Variants in MSR1 observed in about 807,000 individuals in gnomAD.
The protein encoded by MSR1 is macrophage scavenger receptor types I and II.
Under a neutral mutation model 47.2 loss-of-function variants are expected in MSR1, and 53 were observed. The observed-to-expected ratio is 1.12, with a 90% CI of 0.90 to 1.41. MSR1 has a LOEUF of 1.41. MSR1 is among the 40% of genes most tolerant of loss of function. The probability of loss-of-function intolerance (pLI) is 0.00; values close to 1 mark genes in which losing one functional copy is unlikely to be tolerated. For synonymous variants in MSR1, 239 were observed against 185.6 expected, an observed-to-expected ratio of 1.29 and a Z score of -2.34; for missense variants, 786 against 546.9, an observed-to-expected ratio of 1.44 and a Z score of -4.36.
At chr8:16,147,469 G>A (rs1330443810) in intron 7 of MSR1, among the ~76,000 whole-genome samples, 1 of 152,094 alleles carries the variant, frequency 6.6e-6, no homozygotes, top group Non-Finnish European at 1.5e-5. Flanking sequence ...ATCTGATAAT[G>A]TTTTTGATAT....
At chr8:16,135,896 G>C (rs7017815) in intron 8 of MSR1, among the ~76,000 whole-genome samples, 1 of 151,956 alleles carries the variant, frequency 6.6e-6, no homozygotes, top group Non-Finnish European at 1.5e-5. Context: ...AAGAGAAGTG[G>C]AGAACTAGAA....
chr8:16,132,312 T>C (rs1226364715), intron 8 of MSR1, among the ~76,000 whole-genome samples: 1 of 152,090 alleles, frequency 6.6e-6, no homozygotes, highest in Non-Finnish European at 1.5e-5. Flanking sequence ...TGTACAGAAA[T>C]GCTAGTGATT....
intron 8 of MSR1, chr8:16,121,230 A>C (rs1292679190): frequency 2.5e-6 from 1 of 393,220 alleles, no homozygotes. Flanking sequence ...AATATTAACG[A>C]GATAAAAAAT....
intron 3 of MSR1, among the ~76,000 whole-genome samples, chr8:16,173,919 G>T (rs989547742): frequency 1.3e-5 from 2 of 152,132 alleles, no homozygotes; most frequent in Admixed American, 6.5e-5. Context: ...AAAGTGCTGG[G>T]ATTACAGGCA....
At chr8:16,178,142 T>A (rs954576061) in intron 1 of MSR1, 150 bp from the exon 2 acceptor site, 2 of 620,666 alleles carry the variant, frequency 3.2e-6, no homozygotes, top group African/African-American at 3.7e-5. Context: ...CTAGGGTACA[T>A]GTGCACAACG....
At chr8:16,192,576 A>G (rs1802229545) in intron 1 of MSR1, 22 bp downstream of exon 1, 1 of 152,132 alleles carries the variant, frequency 6.6e-6, no homozygotes, top group South Asian at 2.1e-4. Context: ...AAACATTAAA[A>G]TAAGCCTTTT....
chr8:16,146,904 T>C (rs1800714919), intron 7 of MSR1, among the ~76,000 whole-genome samples: 1 of 152,172 alleles, frequency 6.6e-6, no homozygotes, highest in Non-Finnish European at 1.5e-5. Context: ...CGTCTGTAGA[T>C]AGCTCCATGA....
intron 8 of MSR1, chr8:16,140,833 G>C (rs1800536952): frequency 6.4e-7 from 1 of 1,553,696 alleles, no homozygotes; most frequent in Non-Finnish European, 8.7e-7. Context: ...AACAGCACCA[G>C]GGACCAGGAG....
At chr8:16,134,453 C>A (rs1051528958) in intron 8 of MSR1, among the ~76,000 whole-genome samples, 5 of 152,208 alleles carry the variant, frequency 3.3e-5, no homozygotes, top group Admixed American at 3.3e-4. Context: ...GAACCACAAA[C>A]CATGCCCGTA....
chr8:16,145,580 C>T (rs766584513), intron 7 of MSR1, among the ~76,000 whole-genome samples: 17 of 152,028 alleles, frequency 1.1e-4, no homozygotes, highest in Admixed American at 4.6e-4. Flanking sequence ...GCTTGACCCA[C>T]GAAAGGTCCT....
chr8:16,155,196 G>C (rs751148413), intron 5 of MSR1, 52 bp from the exon 6 acceptor site: 49 of 1,380,940 alleles, frequency 3.5e-5, no homozygotes, highest in Middle Eastern at 1.8e-4. Flanking sequence ...AGGAAAAATG[G>C]GTTAGTCATC....
At chr8:16,113,375 T>C (rs995733814) in intron 9 of MSR1, among the ~76,000 whole-genome samples, 2 of 152,170 alleles carry the variant, frequency 1.3e-5, no homozygotes, top group Non-Finnish European at 2.9e-5. Context: ...TCCAGATATA[T>C]TATAAAATGA....
intron 5 of MSR1, among the ~76,000 whole-genome samples, chr8:16,157,561 G>T (rs1336055028): frequency 6.6e-6 from 1 of 151,718 alleles, no homozygotes; most frequent in Non-Finnish European, 1.5e-5. Context: ...TTTCATTTTT[G>T]TACATTGTTA....
intron 7 of MSR1, among the ~76,000 whole-genome samples, chr8:16,148,818 T>C (rs1338286388): frequency 6.6e-6 from 1 of 152,078 alleles, no homozygotes; most frequent in South Asian, 2.1e-4. Context: ...CAAATTGTGG[T>C]AAATCCATAA....
intron 8 of MSR1, among the ~76,000 whole-genome samples, chr8:16,136,258 C>G (rs1800387576): frequency 6.6e-6 from 1 of 152,118 alleles, no homozygotes; most frequent in South Asian, 2.1e-4. Context: ...AAGAAATTGC[C>G]ACAGCCACCT....
intron 1 of MSR1, among the ~76,000 whole-genome samples, chr8:16,190,108 A>G (rs914520439): frequency 6.6e-6 from 1 of 151,640 alleles, no homozygotes; most frequent in Non-Finnish European, 1.5e-5. Context: ...GCGTTCATCC[A>G]GCTGGTCTCA....
chr8:16,178,350 C>A (rs560465652), intron 1 of MSR1, among the ~76,000 whole-genome samples: 4 of 150,234 alleles, frequency 2.7e-5, no homozygotes, highest in Admixed American at 1.3e-4. Flanking sequence ...TGAGAACATG[C>A]GGTGTTTGGG....
At chr8:16,159,878 T>A (rs1179055312) in intron 5 of MSR1, among the ~76,000 whole-genome samples, 1 of 151,972 alleles carries the variant, frequency 6.6e-6, no homozygotes, top group Non-Finnish European at 1.5e-5. Context: ...GGACTTTGAA[T>A]GATAAACAAG....
chr8:16,189,065 T>C (rs1802087457), intron 1 of MSR1, among the ~76,000 whole-genome samples: 1 of 146,290 alleles, frequency 6.8e-6, no homozygotes. Context: ...TAAAACCTTA[T>C]TTTACATATA....
Sources: allele counts gnomAD v4.1 joint callset (sites outside exome capture counted in the v4.1 genomes callset), GRCh38; gene constraint gnomAD v4.1.1; transcripts MANE v1.5; gene names NCBI Gene and HGNC (gene_info 2026-07-23, HGNC 2026-07-21).